Variants in BICRAL observed in about 807,000 individuals in gnomAD.
BICRAL encodes the protein BRD4-interacting chromatin-remodeling complex-associated protein-like.
BICRAL carries 8 observed loss-of-function variants against 91.8 expected under a neutral mutation model. The ratio of observed to expected loss-of-function variants is 0.09; its 90% confidence interval spans 0.05 to 0.16. BICRAL has a LOEUF of 0.16. BICRAL is among the 10% of genes least tolerant of loss of function. BICRAL has a pLI of 1.00. For missense variants in BICRAL, 1,038 were observed against 1,310.9 expected (o/e 0.79, Z 3.21); for synonymous variants, 445 against 491.1 (o/e 0.91, Z 1.24).
At chr6:42,844,072 G>A (rs950308776) in intron 6 of BICRAL, among the ~76,000 whole-genome samples, 5 of 150,044 alleles carry the variant, frequency 3.3e-5, no homozygotes, top group Admixed American at 3.3e-4. Context: ...AAAGTGCTGG[G>A]ATTACAGACG....
chr6:42,769,455 A>G (rs1762687333), intron 1 of BICRAL, among the ~76,000 whole-genome samples: 1 of 152,228 alleles, frequency 6.6e-6, no homozygotes, highest in Non-Finnish European at 1.5e-5. Flanking sequence ...AGGAGGGAGG[A>G]TGCACAAAGG....
intron 7 of BICRAL, 100 bp downstream of exon 7, chr6:42,852,297 C>T (rs762713589): frequency 6.7e-6 from 5 of 746,586 alleles, no homozygotes; most frequent in East Asian, 5.3e-5. Context: ...GGCTTAATCT[C>T]GTCTCCACTC....
In BICRAL at chr6:42,865,485, C is replaced by A; in HGVS notation, c.*39C>A. On this transcript the variant is annotated 3_prime_UTR_variant, in exon 13 of 13. Transcript: ENST00000314073. Reference sequence around the variant, plus strand: ...CCCCCTACCCCGCCCCGAGACCCCACCCCGAGACCCCACCCCGGACCAGTT... The same window carrying A: ...CCCCCTACCCCGCCCCGAGACCCCAACCCGAGACCCCACCCCGGACCAGTT... 4 of 1,142,732 alleles carry A rather than the reference C, an allele frequency of 3.5e-6. No homozygotes were observed. The highest frequency in any genetic ancestry group is 2.8e-5 in the South Asian group (2 of 72,632). The allele number at this position is 1,142,732 out of a possible 1,614,324, so 70.8% of individuals were successfully genotyped here.
chr6:42,761,379 G>A (rs1762544991), intron 1 of BICRAL, among the ~76,000 whole-genome samples: 1 of 152,194 alleles, frequency 6.6e-6, no homozygotes, highest in Non-Finnish European at 1.5e-5. Flanking sequence ...AACTTGGGAG[G>A]TGGAGGTTGC....
At position 42,864,845 on chromosome 6, in the gene BICRAL, T is replaced by C; in HGVS notation, c.2639T>C (p.Leu880Pro). The C allele has an allele frequency of 3.1e-6, 5 of 1,614,146 alleles. No individual in the cohort carries two copies. The highest frequency in any genetic ancestry group is 4.2e-6 in the Non-Finnish European group (5 of 1,180,000). The change falls in exon 13 of 13, where the codon CTA (leucine) becomes CCA (proline). Residue 880 changes from leucine (L) to proline (P), a missense_variant. Coordinates refer to ENST00000314073, the MANE Select transcript of BICRAL (RefSeq NM_001393499.1). The stretch of plus-strand genomic sequence containing the variant: ...CCCATGAATCATGACCAGTTTCATC[T>C]AGTGCCTAATCACATCGTGGTCTCT... ...TEPMNHDQFH[L>P]VPNHIVVSAE...
intron 6 of BICRAL, among the ~76,000 whole-genome samples, chr6:42,835,890 ACTGCG>A (rs1227553045): frequency 6.6e-6 from 1 of 152,262 alleles, no homozygotes; most frequent in East Asian, 1.9e-4. Flanking sequence ...TGATGGCACC[ACTGCG>A]CTATAGCCTG....
At chr6:42,845,470 A>G (rs190965193) in intron 6 of BICRAL, among the ~76,000 whole-genome samples, 26 of 151,798 alleles carry the variant, frequency 1.7e-4, no homozygotes, top group African/African-American at 2.9e-4. Flanking sequence ...TGCAGCTATC[A>G]GAAACTCCCC....
At chr6:42,775,026 A>T (rs768916562) in intron 1 of BICRAL, among the ~76,000 whole-genome samples, 1 of 151,528 alleles carries the variant, frequency 6.6e-6, no homozygotes, top group Non-Finnish European at 1.5e-5. Context: ...TCCGCCTCCC[A>T]GGTTCAAGCG....
At position 42,865,598 on chromosome 6, in the gene BICRAL, A is replaced by C; in HGVS notation, c.*152A>C. 3 of 602,666 alleles carry C rather than the reference A, an allele frequency of 5.0e-6. No individual in the cohort carries two copies. The highest frequency in any genetic ancestry group is 2.8e-5 in the East Asian group (1 of 36,072). The allele number at this position is 602,666 out of a possible 1,614,324, so 37.3% of individuals were successfully genotyped here. Reference sequence around the variant, plus strand: ...ATCACAGGTTATTCTTTCTAATCTCAATCCTGTTCTTTGTTTAAGAGCAAT... The same window carrying C: ...ATCACAGGTTATTCTTTCTAATCTCCATCCTGTTCTTTGTTTAAGAGCAAT... On this transcript the variant is annotated 3_prime_UTR_variant, in exon 13 of 13. Transcript: ENST00000314073.
chr6:42,790,654 G>A (rs2113876907), intron 1 of BICRAL, among the ~76,000 whole-genome samples: 1 of 151,826 alleles, frequency 6.6e-6, no homozygotes, highest in East Asian at 1.9e-4. Context: ...AAATAAGAAT[G>A]GAGTAGATGA....
At chr6:42,856,515 T>C (rs997026799) in intron 9 of BICRAL, among the ~76,000 whole-genome samples, 10 of 151,174 alleles carry the variant, frequency 6.6e-5, no homozygotes, top group African/African-American at 2.2e-4. Flanking sequence ...GCTGGGATTA[T>C]AGGCACCCGC....
At chr6:42,800,417 G>GC (rs969506870) in intron 1 of BICRAL, among the ~76,000 whole-genome samples, 9 of 152,034 alleles carry the variant, frequency 5.9e-5, no homozygotes, top group Non-Finnish European at 1.3e-4. Context: ...GTCCACTTCG[G>GC]CCCCCCAAAG....
At chr6:42,776,284 A>G (rs956173338) in intron 1 of BICRAL, among the ~76,000 whole-genome samples, 1 of 151,882 alleles carries the variant, frequency 6.6e-6, no homozygotes, top group African/African-American at 2.4e-5. Context: ...TGATCCTTCT[A>G]TCTTGGCCTC....
chr6:42,821,535 C>T (rs1408103771), intron 2 of BICRAL, among the ~76,000 whole-genome samples: 1 of 152,120 alleles, frequency 6.6e-6, no homozygotes, highest in East Asian at 1.9e-4. Context: ...GCAGGAAGAA[C>T]CATTTTCCTA....
chr6:42,853,145 G>A (rs1765247989), intron 7 of BICRAL, among the ~76,000 whole-genome samples: 1 of 149,824 alleles, frequency 6.7e-6, no homozygotes, highest in South Asian at 2.1e-4. Context: ...CTACATGCAT[G>A]TTTGGAATTC....
intron 12 of BICRAL, 91 bp from the exon 13 acceptor site, chr6:42,864,568 T>G: frequency 9.9e-7 from 1 of 1,007,986 alleles, no homozygotes; most frequent in Non-Finnish European, 1.5e-6. Flanking sequence ...TGGGGCTGGC[T>G]TTGCCCTCAG....
chr6:42,850,156 A>G (rs1765133862), intron 6 of BICRAL, among the ~76,000 whole-genome samples: 1 of 152,212 alleles, frequency 6.6e-6, no homozygotes, highest in African/African-American at 2.4e-5. Flanking sequence ...TGCTGAGGCC[A>G]AGGTCATAGT....
chr6:42,825,114 G>C (rs965920553), intron 5 of BICRAL, among the ~76,000 whole-genome samples: 3 of 151,826 alleles, frequency 2.0e-5, no homozygotes, highest in Non-Finnish European at 4.4e-5. Context: ...CAAAAAATTA[G>C]CCGGGCGTAG....
chr6:42,772,479 TC>T (rs1762751812), intron 1 of BICRAL, among the ~76,000 whole-genome samples: 1 of 152,090 alleles, frequency 6.6e-6, no homozygotes. Context: ...GGCAGGGTAT[TC>T]TCTGTAAAGG....
Sources: allele counts gnomAD v4.1 joint callset (sites outside exome capture counted in the v4.1 genomes callset), GRCh38; gene constraint gnomAD v4.1.1; transcripts MANE v1.5; gene names NCBI Gene and HGNC (gene_info 2026-07-23, HGNC 2026-07-21).